TOP6BL: variants seen among roughly 807,000 people sequenced by gnomAD.
TOP6BL encodes type 2 DNA topoisomerase 6 subunit B-like.
chr11:66,785,661 CCT>C, the TOP6BL span, among the ~76,000 whole-genome samples: 1 of 151,728 alleles, frequency 6.6e-6, no homozygotes, highest in Non-Finnish European at 1.5e-5. Context: ...AGTTCTGAGT[CCT>C]TTCACCACTT....
the TOP6BL span, among the ~76,000 whole-genome samples, chr11:66,773,530 C>A: frequency 4.6e-5 from 7 of 151,984 alleles, no homozygotes; most frequent in African/African-American, 1.7e-4. Context: ...TTATTTATAT[C>A]TTCTCTTTTA....
chr11:66,752,811 T>G, the TOP6BL span, among the ~76,000 whole-genome samples: 1 of 152,122 alleles, frequency 6.6e-6, no homozygotes, highest in Admixed American at 6.5e-5. Context: ...TAAATAAGGG[T>G]AGGTGCTATA....
chr11:66,764,272 G>T, the TOP6BL span, among the ~76,000 whole-genome samples: 8 of 151,966 alleles, frequency 5.3e-5, no homozygotes, highest in Non-Finnish European at 1.0e-4. Flanking sequence ...GTTCATTTTT[G>T]AATTATTGTC....
At chr11:66,756,066 T>A in the TOP6BL span, among the ~76,000 whole-genome samples, 1 of 152,226 alleles carries the variant, frequency 6.6e-6, no homozygotes, top group African/African-American at 2.4e-5. Flanking sequence ...AGATGATTCA[T>A]CTATCAGAAG....
the TOP6BL span, chr11:66,843,091 A>C: frequency 6.3e-7 from 1 of 1,588,512 alleles, no homozygotes. Flanking sequence ...AGGGCCGCGC[A>C]GGGAAGGGCT....
At chr11:66,812,683 TAAAGG>T in the TOP6BL span, among the ~76,000 whole-genome samples, 2 of 152,174 alleles carry the variant, frequency 1.3e-5, no homozygotes, top group Non-Finnish European at 2.9e-5. Context: ...GAATGAAAGA[TAAAGG>T]AAAGCACACA....
the TOP6BL span, chr11:66,822,488 G>T: frequency 1.1e-6 from 1 of 912,266 alleles, no homozygotes; most frequent in Non-Finnish European, 1.7e-6. Context: ...TGATGGAAAT[G>T]TGTGGGCCCT....
At chr11:66,760,443 T>C in the TOP6BL span, among the ~76,000 whole-genome samples, 8 of 136,836 alleles carry the variant, frequency 5.8e-5, no homozygotes, top group African/African-American at 2.2e-4. Context: ...AGTGAGAGAC[T>C]CTGTCTCAAA....
At chr11:66,826,131 C>G in the TOP6BL span, among the ~76,000 whole-genome samples, 1 of 152,192 alleles carries the variant, frequency 6.6e-6, no homozygotes, top group African/African-American at 2.4e-5. Context: ...GCATGAGCCA[C>G]CACGCCCTGG....
the TOP6BL span, chr11:66,843,311 C>T: frequency 3.9e-6 from 6 of 1,546,958 alleles, no homozygotes; most frequent in East Asian, 9.6e-5. Context: ...ATAAAGCTGC[C>T]GCGCGCTCAC....
At chr11:66,841,628 A>C in the TOP6BL span, among the ~76,000 whole-genome samples, 1 of 151,634 alleles carries the variant, frequency 6.6e-6, no homozygotes, top group South Asian at 2.1e-4. Flanking sequence ...AGTGCTTAAA[A>C]CTCTTTATTG....
chr11:66,836,098 T>C, the TOP6BL span, among the ~76,000 whole-genome samples: 4 of 152,324 alleles, frequency 2.6e-5, no homozygotes, highest in African/African-American at 9.6e-5. Flanking sequence ...TGAAGTAATT[T>C]CGTGGTTTTG....
At chr11:66,826,675 T>A in the TOP6BL span, among the ~76,000 whole-genome samples, 1 of 151,838 alleles carries the variant, frequency 6.6e-6, no homozygotes, top group East Asian at 1.9e-4. Flanking sequence ...CTTTTTTTTT[T>A]ATTTTTTATT....
the TOP6BL span, among the ~76,000 whole-genome samples, chr11:66,837,903 T>C: frequency 6.6e-6 from 1 of 152,186 alleles, no homozygotes; most frequent in Non-Finnish European, 1.5e-5. Context: ...AGGCTACCGA[T>C]GACTACAGAA....
chr11:66,745,022 TGAA>T, the TOP6BL span: 2 of 1,161,654 alleles, frequency 1.7e-6, no homozygotes, highest in Non-Finnish European at 2.2e-6. Context: ...TCGCCTAAGG[TGAA>T]GGAGGAAGGT....
chr11:66,764,003 A>G, the TOP6BL span, among the ~76,000 whole-genome samples: 1 of 152,226 alleles, frequency 6.6e-6, no homozygotes, highest in Non-Finnish European at 1.5e-5. Context: ...AGCATTTACT[A>G]TGCATTAGGC....
the TOP6BL span, among the ~76,000 whole-genome samples, chr11:66,777,136 A>G: frequency 1.9e-3 from 275 of 145,982 alleles, no homozygotes; most frequent in African/African-American, 6.5e-3. Context: ...ATGTTGTCCT[A>G]TGTCTTTTTT....
chr11:66,803,067 A>C, the TOP6BL span, among the ~76,000 whole-genome samples: 1 of 152,206 alleles, frequency 6.6e-6, no homozygotes, highest in Admixed American at 6.5e-5. Flanking sequence ...TTTCTAGGAG[A>C]GAAAGATGGC....
the TOP6BL span, among the ~76,000 whole-genome samples, chr11:66,770,202 A>G: frequency 6.6e-6 from 1 of 152,138 alleles, no homozygotes; most frequent in African/African-American, 2.4e-5. Context: ...GAACCAAATC[A>G]ACTGGCACCT....
Sources: allele counts gnomAD v4.1 joint callset (sites outside exome capture counted in the v4.1 genomes callset), GRCh38; gene constraint gnomAD v4.1.1; transcripts MANE v1.5; gene names NCBI Gene and HGNC (gene_info 2026-07-23, HGNC 2026-07-21).